The following ZRANB3 variants were observed in gnomAD, a reference collection of about 807,000 sequenced individuals.
ZRANB3 encodes the protein DNA annealing helicase and endonuclease ZRANB3.
In ZRANB3, 125 loss-of-function variants were observed where a neutral mutation model predicts 133.8. The ratio of observed to expected loss-of-function variants is 0.93; its 90% CI spans 0.81 to 1.08. The LOEUF (loss-of-function observed/expected upper bound fraction) is 1.08. Ranked by LOEUF, ZRANB3 falls within the 50% of genes least tolerant of loss-of-function variation. ZRANB3 has a pLI of 0.00. For synonymous variants in ZRANB3, 387 were observed against 432.7 expected (o/e 0.89, Z 1.31); for missense variants, 1,229 against 1,275.5 (o/e 0.96, Z 0.56).
intron 1 of ZRANB3, 74 bp from the exon 2 acceptor site, chr2:135,504,570 T>C: frequency 7.9e-7 from 1 of 1,266,856 alleles, no homozygotes; most frequent in Non-Finnish European, 1.1e-6. Flanking sequence ...CAGAATCACA[T>C]ATAAATAATA....
chr2:135,280,120 C>T (rs1161491684), intron 8 of ZRANB3, among the ~76,000 whole-genome samples: 1 of 152,144 alleles, frequency 6.6e-6, no homozygotes, highest in Non-Finnish European at 1.5e-5. Flanking sequence ...TAATCAGCAT[C>T]TTGGTAGTGT....
intron 1 of ZRANB3, among the ~76,000 whole-genome samples, chr2:135,527,715 G>T (rs1468164871): frequency 6.6e-6 from 1 of 152,084 alleles, no homozygotes; most frequent in Non-Finnish European, 1.5e-5. Context: ...GATAATACTG[G>T]TATCTATTCA....
chr2:135,488,527 T>C (rs1692225535), intron 2 of ZRANB3, among the ~76,000 whole-genome samples: 1 of 151,444 alleles, frequency 6.6e-6, no homozygotes, highest in Non-Finnish European at 1.5e-5. Flanking sequence ...GCATATATAT[T>C]TGATTATACT....
rs1686459453 is a variant in ZRANB3 at position 135,377,031 on chromosome 2, C to T, written c.180+13771G>A. 4.6e-5 allele frequency among the ~76,000 whole-genome samples: 7 copies of T among 152,198 alleles called. No individual in the cohort carries two copies. In the South Asian group the frequency reaches 1.4e-3, roughly 32 times the overall value. On this transcript the variant is annotated intron_variant, in intron 3 of 20. Coordinates refer to ENST00000264159, the MANE Select transcript of ZRANB3 (RefSeq NM_032143.4). ...AAAAGGAACTGTACATTACACCATG[C>T]TCTAGCCAATAAAGTTCTTTCCCAT...
intron 1 of ZRANB3, chr2:135,511,752 T>C (rs1693466100): frequency 9.2e-6 from 7 of 764,414 alleles, no homozygotes; most frequent in African/African-American, 1.7e-5. Context: ...GTGACATCAC[T>C]TTCCTGTGGA....
At chr2:135,527,130 C>A (rs1275650903) in intron 1 of ZRANB3, among the ~76,000 whole-genome samples, 10 of 152,214 alleles carry the variant, frequency 6.6e-5, no homozygotes, top group Admixed American at 6.5e-4. Flanking sequence ...AGGGCTGTGT[C>A]ATGGGCCATG....
intron 3 of ZRANB3, among the ~76,000 whole-genome samples, chr2:135,376,920 T>C (rs1188542557): frequency 2.0e-5 from 3 of 152,234 alleles, no homozygotes; most frequent in Non-Finnish European, 1.5e-5. Context: ...TACAAATGTC[T>C]GAAATATCCT....
intron 2 of ZRANB3, among the ~76,000 whole-genome samples, chr2:135,420,507 T>C (rs1353256369): frequency 6.6e-6 from 1 of 152,104 alleles, no homozygotes; most frequent in Non-Finnish European, 1.5e-5. Context: ...ATATACCATA[T>C]AAAAGAATAG....
intron 12 of ZRANB3, among the ~76,000 whole-genome samples, chr2:135,253,030 C>T (rs146404114): frequency 6.6e-6 from 1 of 152,248 alleles, no homozygotes; most frequent in Non-Finnish European, 1.5e-5. Flanking sequence ...CTCTAGGAAT[C>T]CTTGACAAAG....
Position 135,317,819 on chromosome 2 carries a change from T to G in ZRANB3, c.678-2289A>C, listed in dbSNP as rs1422566113. On this transcript the variant is annotated intron_variant, in intron 6 of 20. Coordinates refer to ENST00000264159, the MANE Select transcript of ZRANB3 (RefSeq NM_032143.4). ...GCCATATGCCTGGTATGAACCATGG[T>G]TCAGAGGAATTATTTCTTGTTACCC... 2.6e-5 allele frequency among the ~76,000 whole-genome samples: 4 copies of G among 152,062 alleles called. No homozygotes were observed. The South Asian group carries it at 6.2e-4, about 24-fold the overall frequency.
At chr2:135,351,122 G>GA (rs1361452042) in intron 4 of ZRANB3, among the ~76,000 whole-genome samples, 5 of 151,792 alleles carry the variant, frequency 3.3e-5, no homozygotes, top group African/African-American at 1.2e-4. Flanking sequence ...TATATCACCA[G>GA]AAAAAAATAC....
intron 2 of ZRANB3, among the ~76,000 whole-genome samples, chr2:135,415,028 C>A (rs1289533447): frequency 1.3e-5 from 2 of 151,494 alleles, no homozygotes; most frequent in Non-Finnish European, 2.9e-5. Flanking sequence ...GACACCCTAA[C>A]ATCACAATTA....
At chr2:135,337,771 A>G (rs1210793377) in intron 6 of ZRANB3, among the ~76,000 whole-genome samples, 2 of 152,250 alleles carry the variant, frequency 1.3e-5, no homozygotes, top group Admixed American at 1.3e-4. Context: ...AATTCTTAAT[A>G]GAAAGTAGCC....
At chr2:135,407,625 A>C (rs1281224055) in intron 2 of ZRANB3, among the ~76,000 whole-genome samples, 1 of 151,622 alleles carries the variant, frequency 6.6e-6, no homozygotes, top group Non-Finnish European at 1.5e-5. Flanking sequence ...CAAAACAGAG[A>C]TATAGACCAA....
chr2:135,249,558 A>C (rs1339989446), intron 12 of ZRANB3, among the ~76,000 whole-genome samples: 5 of 152,180 alleles, frequency 3.3e-5, no homozygotes, highest in Non-Finnish European at 7.3e-5. Flanking sequence ...GTCCCCACCC[A>C]AATCTCAACT....
intron 1 of ZRANB3, among the ~76,000 whole-genome samples, chr2:135,505,572 T>C (rs1435753354): frequency 6.6e-6 from 1 of 150,822 alleles, no homozygotes; most frequent in African/African-American, 2.4e-5. Context: ...AGACTCTGTC[T>C]CAAGGAAAAA....
chr2:135,446,487 G>A (rs1266494035), intron 2 of ZRANB3, among the ~76,000 whole-genome samples: 1 of 152,132 alleles, frequency 6.6e-6, no homozygotes, highest in Non-Finnish European at 1.5e-5. Flanking sequence ...AATGAATAGT[G>A]CAGTATAGTA....
chr2:135,291,162 CG>C (rs1296674149), intron 8 of ZRANB3, among the ~76,000 whole-genome samples: 1 of 149,012 alleles, frequency 6.7e-6, no homozygotes, highest in Non-Finnish European at 1.5e-5. Context: ...GCGCCTGGCC[CG>C]GGAACACCAA....
chr2:135,493,015 T>A (rs1028637704), intron 2 of ZRANB3, among the ~76,000 whole-genome samples: 1 of 148,484 alleles, frequency 6.7e-6, no homozygotes, highest in Non-Finnish European at 1.5e-5. Context: ...CAAATGGTGC[T>A]GAAATAACTA....
Sources: gnomAD v4.1 joint callset for allele counts (sites outside exome capture counted in the v4.1 genomes callset) on GRCh38, gnomAD v4.1.1 for gene constraint, MANE v1.5 for transcripts, NCBI Gene and HGNC (gene_info 2026-07-23, HGNC 2026-07-21) for gene names.